Variants in ARMC2 observed in about 807,000 individuals in gnomAD.
ARMC2 encodes the protein armadillo repeat containing 2.
A neutral mutation model predicts 90.3 loss-of-function variants in ARMC2; 67 were observed. That is an observed-to-expected ratio of 0.74 (90% CI 0.61 to 0.91). The LOEUF is 0.91. ARMC2 is among the 40% of genes least tolerant of loss of function. The probability of loss-of-function intolerance (pLI) is 0.00; values close to 1 mark genes in which losing one functional copy is unlikely to be tolerated. For missense variants in ARMC2, 920 were observed against 1,030.9 expected (o/e 0.89, Z 1.47); for synonymous variants, 393 against 393.0 (o/e 1.00, Z 0.00).
At chr6:108,947,218 T>A (rs1776864891) in intron 12 of ARMC2, among the ~76,000 whole-genome samples, 1 of 151,440 alleles carries the variant, frequency 6.6e-6, no homozygotes, top group Non-Finnish European at 1.5e-5. Flanking sequence ...GGTGAGGGGA[T>A]GAGATAGAGA....
rs1420206248 is a variant in ARMC2, at chr6:108,967,991, T to C, written c.2446+2851T>C. On this transcript the variant is annotated intron_variant, in intron 17 of 17. Coordinates refer to ENST00000392644, the MANE Select transcript of ARMC2 (RefSeq NM_032131.6). ...TCATAGGAAATCTATACTTCTTATA[T>C]AGCAATCAGTCATGAATTGTGTAAC... is the stretch of plus-strand genomic sequence containing the variant. Among the ~76,000 whole-genome samples, 6 of 152,318 alleles carry C rather than the reference T, an allele frequency of 3.9e-5. 1 individual carries two copies. In the South Asian group the frequency reaches 1.2e-3, roughly 32 times the overall value.
At chr6:108,998,309 CTT>C in the ARMC2 span, among the ~76,000 whole-genome samples, 7 of 152,224 alleles carry the variant, frequency 4.6e-5, no homozygotes, top group Admixed American at 3.9e-4. Context: ...TTGTACATCA[CTT>C]TTGTAAAATG....
chr6:108,907,707 T>A, intron 8 of ARMC2: 7 of 1,608,176 alleles, frequency 4.4e-6, no homozygotes, highest in Admixed American at 1.7e-5. Context: ...ACCCCCGAGA[T>A]GCTCCCCTTC....
At chr6:108,992,261 G>A in the ARMC2 span, among the ~76,000 whole-genome samples, 1 of 152,148 alleles carries the variant, frequency 6.6e-6, no homozygotes, top group Admixed American at 6.5e-5. Context: ...ACCACACCTG[G>A]CTAATTTTAT....
chr6:108,879,530 C>A (rs968744220), intron 5 of ARMC2, among the ~76,000 whole-genome samples: 5 of 149,052 alleles, frequency 3.4e-5, no homozygotes, highest in East Asian at 2.0e-4. Flanking sequence ...ACCCATCTAT[C>A]CATCCACCCA....
At chr6:108,853,213 G>T (rs985271513) in intron 1 of ARMC2, among the ~76,000 whole-genome samples, 2 of 152,104 alleles carry the variant, frequency 1.3e-5, no homozygotes, top group Non-Finnish European at 2.9e-5. Flanking sequence ...GAAACTCTTG[G>T]GGTGGGGCCT....
chr6:109,039,232 G>A, the ARMC2 span, among the ~76,000 whole-genome samples: 1 of 152,090 alleles, frequency 6.6e-6, no homozygotes, highest in East Asian at 1.9e-4. Context: ...ATAGAGGGTA[G>A]GGAAGACCAT....
intron 4 of ARMC2, 58 bp from the exon 5 acceptor site, chr6:108,876,085 G>A (rs1776902119): frequency 7.8e-7 from 1 of 1,275,802 alleles, no homozygotes; most frequent in African/African-American, 1.5e-5. Context: ...AACATTGAAA[G>A]GTAGTGATTC....
At chr6:108,968,233 T>TA (rs369186613) in intron 17 of ARMC2, among the ~76,000 whole-genome samples, 1 of 152,334 alleles carries the variant, frequency 6.6e-6, no homozygotes, top group Non-Finnish European at 1.5e-5. Flanking sequence ...GGCCATCAGC[T>TA]AGGTGACAGA....
chr6:109,045,190 C>T, the ARMC2 span, among the ~76,000 whole-genome samples: 5 of 152,266 alleles, frequency 3.3e-5, no homozygotes, highest in African/African-American at 1.2e-4. Context: ...TTACTAACCT[C>T]TTGTCAAGTT....
At chr6:109,027,476 C>CAA in the ARMC2 span, among the ~76,000 whole-genome samples, 95 of 27,270 alleles carry the variant, frequency 3.5e-3, 8 homozygotes, top group Non-Finnish European at 3.9e-3. Context: ...GACTCTGTCT[C>CAA]AAAAAAAAAA....
intron 1 of ARMC2, among the ~76,000 whole-genome samples, chr6:108,851,212 G>A (rs1190219794): frequency 6.6e-6 from 1 of 152,044 alleles, no homozygotes; most frequent in African/African-American, 2.4e-5. Flanking sequence ...CTCACTTGCC[G>A]ACTTTGTTGG....
intron 5 of ARMC2, among the ~76,000 whole-genome samples, chr6:108,888,358 C>G (rs1255268370): frequency 6.6e-6 from 1 of 152,168 alleles, no homozygotes; most frequent in Admixed American, 6.5e-5. Flanking sequence ...GTGTTATTTA[C>G]CACACCTTTC....
the ARMC2 span, among the ~76,000 whole-genome samples, chr6:109,026,572 C>A: frequency 6.6e-6 from 1 of 152,098 alleles, no homozygotes; most frequent in Admixed American, 6.5e-5. Flanking sequence ...TCTCGGCTCA[C>A]TGCAACCTTC....
intron 8 of ARMC2, among the ~76,000 whole-genome samples, chr6:108,909,310 G>A (rs190279722): frequency 1.1e-4 from 16 of 151,852 alleles, no homozygotes; most frequent in African/African-American, 3.4e-4. Flanking sequence ...TAATATGATA[G>A]TATTGATGTC....
At chr6:109,046,856 CG>C in the ARMC2 span, among the ~76,000 whole-genome samples, 1 of 132,536 alleles carries the variant, frequency 7.5e-6, no homozygotes, top group East Asian at 2.2e-4. Context: ...GCAACCACCC[CG>C]TATGAGAAGT....
the ARMC2 span, chr6:109,000,655 A>G: frequency 6.3e-7 from 1 of 1,597,784 alleles, no homozygotes; most frequent in African/African-American, 1.3e-5. Flanking sequence ...AAGTAGGAGC[A>G]CTGATGTCTT....
chr6:108,868,126 G>A (rs1337732206), intron 3 of ARMC2, among the ~76,000 whole-genome samples: 1 of 151,088 alleles, frequency 6.6e-6, no homozygotes, highest in Non-Finnish European at 1.5e-5. Context: ...GGTACATGTA[G>A]GTACTCAACA....
chr6:108,888,593 A>G (rs193027574), intron 5 of ARMC2, among the ~76,000 whole-genome samples: 146 of 152,356 alleles, frequency 9.6e-4, no homozygotes, highest in Non-Finnish European at 1.8e-3. Flanking sequence ...TTTTGAGTAC[A>G]TAAGTCCATC....
Sources: allele counts gnomAD v4.1 joint callset (sites outside exome capture counted in the v4.1 genomes callset), GRCh38; gene constraint gnomAD v4.1.1; transcripts MANE v1.5; gene names NCBI Gene and HGNC (gene_info 2026-07-23, HGNC 2026-07-21).